The following SUGCT variants were observed in gnomAD, a reference collection of about 807,000 sequenced individuals.
SUGCT encodes the protein succinyl-CoA:glutarate CoA-transferase.
In SUGCT, 41 loss-of-function variants were observed where a neutral mutation model predicts 55.0. That is an observed-to-expected ratio of 0.74 (90% CI 0.58 to 0.97). The LOEUF (loss-of-function observed/expected upper bound fraction) is 0.97, where lower values mean the gene tolerates loss of function less well. SUGCT is among the 50% of genes least tolerant of loss of function. SUGCT has a pLI of 0.00. For missense variants in SUGCT, 568 were observed against 547.8 expected (o/e 1.04, Z -0.37); for synonymous variants, 187 against 200.4 (o/e 0.93, Z 0.56).
chr7:40,200,541 C>T (rs1786533413), intron 6 of SUGCT, among the ~76,000 whole-genome samples: 1 of 151,900 alleles, frequency 6.6e-6, no homozygotes, highest in Non-Finnish European at 1.5e-5. Flanking sequence ...TGTGCAAAGG[C>T]TCCGTGGTAG....
chr7:40,247,881 C>A (rs1272848272), intron 7 of SUGCT, among the ~76,000 whole-genome samples: 1 of 151,880 alleles, frequency 6.6e-6, no homozygotes, highest in Non-Finnish European at 1.5e-5. Flanking sequence ...TTATTTAAGT[C>A]AAATTAGTTA....
intron 9 of SUGCT, among the ~76,000 whole-genome samples, chr7:40,423,302 T>G (rs1171752547): frequency 6.6e-6 from 1 of 152,162 alleles, no homozygotes. Context: ...TGGAAAGATA[T>G]TAATGTTACT....
the SUGCT span, among the ~76,000 whole-genome samples, chr7:40,906,695 A>G: frequency 1.3e-5 from 2 of 152,320 alleles, no homozygotes; most frequent in South Asian, 4.1e-4. Flanking sequence ...GCCGTTTTAT[A>G]TAAAGGACTC....
chr7:40,401,525 T>C (rs1255812936), intron 9 of SUGCT, among the ~76,000 whole-genome samples: 1 of 152,186 alleles, frequency 6.6e-6, no homozygotes. Context: ...AAGCAGAGAA[T>C]ACTCTGTTAA....
At chr7:40,670,556 T>C (rs888836027) in intron 12 of SUGCT, among the ~76,000 whole-genome samples, 2 of 152,016 alleles carry the variant, frequency 1.3e-5, no homozygotes, top group Non-Finnish European at 1.5e-5. Flanking sequence ...TTAAAAAAAT[T>C]TTTTTTAGAG....
At chr7:40,703,032 C>T (rs1785233606) in intron 12 of SUGCT, among the ~76,000 whole-genome samples, 1 of 149,562 alleles carries the variant, frequency 6.7e-6, no homozygotes, top group Non-Finnish European at 1.5e-5. Context: ...AGAAATTTGC[C>T]TTCTGTGTCT....
intron 12 of SUGCT, among the ~76,000 whole-genome samples, chr7:40,515,471 A>G (rs931495179): frequency 8.5e-5 from 13 of 152,100 alleles, no homozygotes; most frequent in African/African-American, 2.9e-4. Context: ...TGGCAGTCGC[A>G]CCCTTCTTCC....
chr7:40,445,818 C>G (rs1430063441), intron 9 of SUGCT, among the ~76,000 whole-genome samples: 1 of 152,066 alleles, frequency 6.6e-6, no homozygotes, highest in Non-Finnish European at 1.5e-5. Context: ...TAACAGGGAA[C>G]AAATAATTAT....
intron 12 of SUGCT, among the ~76,000 whole-genome samples, chr7:40,690,967 T>C (rs1784670712): frequency 6.6e-6 from 1 of 152,200 alleles, no homozygotes; most frequent in Non-Finnish European, 1.5e-5. Context: ...CTGGTTCTTC[T>C]CCAGAGGAAA....
At chr7:40,913,285 A>G in the SUGCT span, among the ~76,000 whole-genome samples, 83,763 of 151,956 alleles carry the variant, frequency 0.55, 24,456 homozygotes, top group African/African-American at 0.75. Flanking sequence ...GAGAAACGCC[A>G]TCACATGCCA....
At chr7:40,565,644 A>C (rs1247245149) in intron 12 of SUGCT, among the ~76,000 whole-genome samples, 2 of 152,176 alleles carry the variant, frequency 1.3e-5, no homozygotes, top group African/African-American at 4.8e-5. Context: ...TCTTTCCATC[A>C]TGATGAGCGT....
chr7:40,903,307 A>G, the SUGCT span, among the ~76,000 whole-genome samples: 1 of 152,168 alleles, frequency 6.6e-6, no homozygotes, highest in African/African-American at 2.4e-5. Flanking sequence ...CACTTGAGGG[A>G]CAGCTCTCAG....
the SUGCT span, among the ~76,000 whole-genome samples, chr7:40,997,385 C>A: frequency 6.6e-6 from 1 of 152,146 alleles, no homozygotes; most frequent in African/African-American, 2.4e-5. Context: ...CCGCTGTCAG[C>A]TCCATTCTCC....
chr7:40,625,308 C>G (rs560340765), intron 12 of SUGCT, among the ~76,000 whole-genome samples: 1 of 152,086 alleles, frequency 6.6e-6, no homozygotes, highest in Non-Finnish European at 1.5e-5. Flanking sequence ...GAGAACTGTT[C>G]GTGAAGATTT....
Position 40,200,814 on chromosome 7 carries a change from C to G in SUGCT, c.484+5754C>G, listed in dbSNP as rs1786551615. Among the ~76,000 whole-genome samples, 2 of 152,072 alleles carry G rather than the reference C, an allele frequency of 1.3e-5. 1 individual carries two copies. Among genetic ancestry groups the G allele is most frequent in the South Asian group, 4.2e-4 (2 of 4,806 alleles). On this transcript the variant is annotated intron_variant, in intron 6 of 13. Transcript: ENST00000335693. ...ATAGGCATTGGAGATTGAAATGGGGCTCAGGTTTCACAGAGTAGCTATAAA... is the reference window on the plus strand; with the variant it reads ...ATAGGCATTGGAGATTGAAATGGGGGTCAGGTTTCACAGAGTAGCTATAAA...
chr7:40,578,311 G>GTACA (rs1796880653), intron 12 of SUGCT, among the ~76,000 whole-genome samples: 1 of 152,088 alleles, frequency 6.6e-6, no homozygotes, highest in African/African-American at 2.4e-5. Flanking sequence ...TAACACACTT[G>GTACA]GCAGTACATT....
intron 12 of SUGCT, among the ~76,000 whole-genome samples, chr7:40,579,622 T>C (rs1439036491): frequency 6.6e-6 from 1 of 152,084 alleles, no homozygotes; most frequent in Admixed American, 6.5e-5. Flanking sequence ...ACATAAATGG[T>C]GTGGGGGTGT....
chr7:40,954,906 A>C, the SUGCT span, among the ~76,000 whole-genome samples: 1 of 152,186 alleles, frequency 6.6e-6, no homozygotes, highest in Admixed American at 6.5e-5. Context: ...TCCTCTCCCC[A>C]TTGCTTGTTT....
chr7:40,641,884 C>A (rs1800285801), intron 12 of SUGCT, among the ~76,000 whole-genome samples: 1 of 152,124 alleles, frequency 6.6e-6, no homozygotes, highest in African/African-American at 2.4e-5. Context: ...TGCATACTTT[C>A]TTTAAACGTG....
Sources: allele counts gnomAD v4.1 joint callset (sites outside exome capture counted in the v4.1 genomes callset), GRCh38; gene constraint gnomAD v4.1.1; transcripts MANE v1.5; gene names NCBI Gene and HGNC (gene_info 2026-07-23, HGNC 2026-07-21).